Variants in GPC6 observed in about 807,000 individuals in gnomAD.
The protein encoded by GPC6 is glypican-6.
In GPC6, 14 loss-of-function variants were observed where a neutral mutation model predicts 55.2. That is an observed-to-expected ratio of 0.25 (90% CI 0.17 to 0.40). The LOEUF is 0.40. Among genes scored for constraint, GPC6 ranks in the 10% least tolerant of loss-of-function variants. GPC6 has a pLI of 1.00. For synonymous variants in GPC6, 278 were observed against 259.6 expected (o/e 1.07, Z -0.68); for missense variants, 641 against 708.5 (o/e 0.90, Z 1.08).
At chr13:93,431,244 C>G (rs1877348263) in intron 1 of GPC6, among the ~76,000 whole-genome samples, 2 of 152,106 alleles carry the variant, frequency 1.3e-5, no homozygotes, top group African/African-American at 4.8e-5. Flanking sequence ...GACCTGTGAT[C>G]AAGTCCTATG....
rs79494333 is a variant in GPC6, at chr13:93,317,169, G to A, written c.160+89553G>A. On this transcript the variant is annotated intron_variant, in intron 1 of 8. Coordinates refer to ENST00000377047, the MANE Select transcript of GPC6 (RefSeq NM_005708.5). Reference sequence around the variant, plus strand: ...TGTTTTATATGTGGTCCTGCGTTCAGAAATCAAATTCAGATTTTAGCAATT... The same window carrying A: ...TGTTTTATATGTGGTCCTGCGTTCAAAAATCAAATTCAGATTTTAGCAATT... Among the ~76,000 whole-genome samples, 256 of 152,156 alleles carry A rather than the reference G, an allele frequency of 1.7e-3. 1 individual carries two copies. Among genetic ancestry groups the A allele is most frequent in the African/African-American group, 5.4e-3 (224 of 41,538 alleles).
intron 2 of GPC6, among the ~76,000 whole-genome samples, chr13:93,645,235 T>A (rs1594337945): frequency 7.0e-6 from 1 of 143,214 alleles, no homozygotes; most frequent in East Asian, 2.0e-4. Flanking sequence ...TAAAATGCAA[T>A]GAGAGCCTAC....
At chr13:93,651,879 A>C (rs1245412950) in intron 2 of GPC6, among the ~76,000 whole-genome samples, 2 of 152,186 alleles carry the variant, frequency 1.3e-5, no homozygotes, top group African/African-American at 4.8e-5. Flanking sequence ...CTCCAGACCA[A>C]TTAAATCAGA....
intron 2 of GPC6, among the ~76,000 whole-genome samples, chr13:93,659,150 A>G (rs1880815108): frequency 6.6e-6 from 1 of 151,942 alleles, no homozygotes; most frequent in Admixed American, 6.6e-5. Flanking sequence ...TTAGTATAAA[A>G]TTAATCATGA....
At chr13:93,496,614 C>T (rs1169253119) in intron 1 of GPC6, among the ~76,000 whole-genome samples, 5 of 152,168 alleles carry the variant, frequency 3.3e-5, no homozygotes, top group Non-Finnish European at 5.9e-5. Context: ...TTCAACACTG[C>T]TTTATAGAGA....
rs548351208 is a variant in GPC6, at chr13:93,565,401, T to C, written c.319+19980T>C. On this transcript the variant is annotated intron_variant, in intron 2 of 8. Transcript: ENST00000377047. ...TGGCAACATTTTAACAATAAACTTG[T>C]TTCTTGGATAAAGGAATATATATTC... 9.2e-5 allele frequency among the ~76,000 whole-genome samples: 14 copies of C among 152,316 alleles called. No individual in the cohort carries two copies. The South Asian group carries it at 1.9e-3, about 20-fold the overall frequency.
chr13:93,367,319 C>T (rs1193423685), intron 1 of GPC6, among the ~76,000 whole-genome samples: 5 of 151,988 alleles, frequency 3.3e-5, no homozygotes, highest in South Asian at 2.1e-4. Flanking sequence ...TCATTTTTGG[C>T]ATTATTTTTG....
intron 1 of GPC6, among the ~76,000 whole-genome samples, chr13:93,326,071 G>A (rs775551363): frequency 2.0e-5 from 3 of 152,124 alleles, no homozygotes; most frequent in Non-Finnish European, 4.4e-5. Flanking sequence ...TGACTAGATG[G>A]AACCTAGTGC....
chr13:93,549,471 C>A (rs527717572), intron 2 of GPC6, among the ~76,000 whole-genome samples: 1 of 152,240 alleles, frequency 6.6e-6, no homozygotes, highest in Non-Finnish European at 1.5e-5. Flanking sequence ...CTGTTCCCTG[C>A]CCTTCATGGA....
chr13:93,769,555 C>T (rs1885225011), intron 2 of GPC6, among the ~76,000 whole-genome samples: 1 of 152,204 alleles, frequency 6.6e-6, no homozygotes, highest in South Asian at 2.1e-4. Flanking sequence ...CTGCTTTCCT[C>T]TTGCACTCCT....
intron 1 of GPC6, among the ~76,000 whole-genome samples, chr13:93,357,024 C>A (rs1880870143): frequency 1.3e-5 from 2 of 152,140 alleles, no homozygotes. Context: ...TGGAAAACAG[C>A]AAGAAATAAA....
intron 1 of GPC6, among the ~76,000 whole-genome samples, chr13:93,490,436 G>C (rs1254423264): frequency 9.5e-6 from 1 of 105,238 alleles, no homozygotes; most frequent in Non-Finnish European, 1.9e-5. Context: ...TCCATGTTTT[G>C]AAGTTGGTCC....
At chr13:93,255,928 G>A (rs997619747) in intron 1 of GPC6, among the ~76,000 whole-genome samples, 2 of 152,110 alleles carry the variant, frequency 1.3e-5, no homozygotes, top group Admixed American at 6.6e-5. Flanking sequence ...GAGGCCAGGA[G>A]TTCAAGACCA....
intron 3 of GPC6, among the ~76,000 whole-genome samples, chr13:93,922,237 G>C (rs1877613466): frequency 6.6e-6 from 1 of 151,958 alleles, no homozygotes; most frequent in African/African-American, 2.4e-5. Flanking sequence ...ATCTCGTTGG[G>C]GAGGCTACCC....
chr13:93,693,531 A>G (rs1196702400), intron 2 of GPC6, among the ~76,000 whole-genome samples: 7 of 149,208 alleles, frequency 4.7e-5, no homozygotes, highest in Non-Finnish European at 1.0e-4. Context: ...TCTGTTGCCC[A>G]TGCAGTGGCA....
At chr13:93,514,848 AAAAACAAACAAAC>A (rs1881123877) in intron 1 of GPC6, among the ~76,000 whole-genome samples, 1 of 152,212 alleles carries the variant, frequency 6.6e-6, no homozygotes, top group Admixed American at 6.5e-5. Flanking sequence ...TCGTGAGGAA[AAAAACAAACAAAC>A]AAAACAAACA....
At chr13:94,386,613 GAAGA>G (rs887657343) in intron 7 of GPC6, among the ~76,000 whole-genome samples, 4 of 152,046 alleles carry the variant, frequency 2.6e-5, no homozygotes, top group Non-Finnish European at 4.4e-5. Flanking sequence ...TAAAAAATAA[GAAGA>G]AATAATTTTT....
intron 1 of GPC6, among the ~76,000 whole-genome samples, chr13:93,270,348 T>C (rs563450180): frequency 1.4e-4 from 21 of 152,022 alleles, no homozygotes; most frequent in African/African-American, 4.8e-4. Flanking sequence ...GGTTTAAATA[T>C]ATGAGTTTAT....
rs150090105 is a variant in GPC6 at position 94,053,496 on chromosome 13, A to C, written c.877+25602A>C. Among the ~76,000 whole-genome samples the C allele has an allele frequency of 2.9e-3, 444 of 152,316 alleles. 5 individuals carry two copies. The highest frequency in any genetic ancestry group is 0.01 in the African/African-American group (432 of 41,586). ...TAATTCTTTTAGGTATTACCCAATA[A>C]ATTCACAATAGAGTGTGAAGGAAGA... On this transcript the variant is annotated intron_variant, in intron 4 of 8. Transcript: ENST00000377047.
Sources: gnomAD v4.1 joint callset for allele counts (sites outside exome capture counted in the v4.1 genomes callset) on GRCh38, gnomAD v4.1.1 for gene constraint, MANE v1.5 for transcripts, NCBI Gene and HGNC (gene_info 2026-07-23, HGNC 2026-07-21) for gene names.